The following FARP1 variants were observed in gnomAD, a reference collection of about 807,000 sequenced individuals.
FARP1 encodes FERM, ARH/RhoGEF and pleckstrin domain protein 1.
FARP1 carries 52 observed loss-of-function variants against 128.8 expected under a neutral mutation model. The ratio of observed to expected loss-of-function variants is 0.40; its 90% CI spans 0.32 to 0.51. The LOEUF (loss-of-function observed/expected upper bound fraction) is 0.51. FARP1 is among the 20% of genes least tolerant of loss of function. FARP1 has a pLI of 0.45. For missense variants in FARP1, 1,333 were observed against 1,367.9 expected (o/e 0.97, Z 0.40); for synonymous variants, 580 against 551.8 (o/e 1.05, Z -0.72).
intron 2 of FARP1, among the ~76,000 whole-genome samples, chr13:98,337,621 T>C (rs1360099754): frequency 1.3e-5 from 2 of 150,248 alleles, no homozygotes; most frequent in Non-Finnish European, 3.0e-5. Context: ...GAAAATACTT[T>C]CACTGATGAA....
At chr13:98,211,326 A>G (rs570988338) in intron 1 of FARP1, among the ~76,000 whole-genome samples, 33 of 152,306 alleles carry the variant, frequency 2.2e-4, no homozygotes, top group African/African-American at 7.9e-4. Flanking sequence ...TTCTCATAGG[A>G]GCACAGACCC....
At chr13:98,330,461 G>T (rs1887454673) in intron 2 of FARP1, among the ~76,000 whole-genome samples, 1 of 152,070 alleles carries the variant, frequency 6.6e-6, no homozygotes, top group Non-Finnish European at 1.5e-5. Context: ...CAAGGAAATT[G>T]TCAGAAAAAA....
intron 2 of FARP1, among the ~76,000 whole-genome samples, chr13:98,270,303 C>T (rs1174149719): frequency 6.6e-6 from 1 of 152,022 alleles, no homozygotes; most frequent in Non-Finnish European, 1.5e-5. Flanking sequence ...GAAGATTGAG[C>T]TGTTCACACA....
intron 16 of FARP1, among the ~76,000 whole-genome samples, chr13:98,418,702 A>G (rs978568704): frequency 3.9e-5 from 6 of 152,214 alleles, no homozygotes; most frequent in Middle Eastern, 3.2e-3. Flanking sequence ...CGTTTTGCCA[A>G]TTGCCAGAAT....
intron 1 of FARP1, among the ~76,000 whole-genome samples, chr13:98,197,448 A>G (rs1415035667): frequency 6.6e-6 from 1 of 151,978 alleles, no homozygotes; most frequent in African/African-American, 2.4e-5. Context: ...CCTGGGCAAC[A>G]AGAGCAAAAC....
At chr13:98,394,146 G>A (rs748125529) in intron 12 of FARP1, among the ~76,000 whole-genome samples, 9 of 152,192 alleles carry the variant, frequency 5.9e-5, no homozygotes, top group Admixed American at 5.9e-4. Flanking sequence ...TGGTCGGCGA[G>A]TTCCCAGAGC....
At chr13:98,278,397 G>T (rs1404409452) in intron 2 of FARP1, among the ~76,000 whole-genome samples, 1 of 152,082 alleles carries the variant, frequency 6.6e-6, no homozygotes, top group African/African-American at 2.4e-5. Context: ...CGTTGCATAT[G>T]TGTGTGAGTG....
rs534236137 is a variant in FARP1, at chr13:98,447,936, G to A, written c.3057-300G>A. 1.7e-3 allele frequency: 735 copies of A among 431,104 alleles called. 13 individuals are homozygous for A. The highest frequency in any genetic ancestry group is 0.015 in the South Asian group (462 of 31,224). 26.7% of individuals were successfully genotyped at this position (431,104 alleles called of 1,614,324 possible). A position where few individuals can be genotyped will look rare whatever the true frequency, so the allele number is the denominator to read the frequency against. The stretch of plus-strand genomic sequence containing the variant: ...ATTCTCTGCCATGTCCATGAAAATA[G>A]GAGGTAGCGTTCTCCCCAGCAACCA... On this transcript the variant is annotated intron_variant, in intron 26 of 26. Transcript: ENST00000319562.
intron 16 of FARP1, among the ~76,000 whole-genome samples, chr13:98,423,634 C>T (rs1192771335): frequency 6.6e-6 from 1 of 152,166 alleles, no homozygotes; most frequent in South Asian, 2.1e-4. Context: ...GGCTCCTGTG[C>T]GAGTTCACAC....
At chr13:98,181,052 T>C (rs1212586842) in intron 1 of FARP1, among the ~76,000 whole-genome samples, 1 of 148,596 alleles carries the variant, frequency 6.7e-6, no homozygotes, top group Non-Finnish European at 1.5e-5. Context: ...CATTTTTAAG[T>C]CTTTTTTTTT....
intron 18 of FARP1, chr13:98,432,831 G>GGTC (rs1892091804): frequency 6.7e-6 from 1 of 149,760 alleles, no homozygotes; most frequent in Non-Finnish European, 1.5e-5. Context: ...CCCACTGGAG[G>GGTC]GTCTGCAGGC....
chr13:98,450,144 G>C lies in FARP1; in HGVS notation c.*1827G>C, dbSNP rs1893117768. The stretch of plus-strand genomic sequence containing the variant: ...CAAGAAAATACTAGTGTGGGTAACA[G>C]TCCATCTGAGTGGAGTTTGAGACAC... On this transcript the variant is annotated 3_prime_UTR_variant, in exon 27 of 27. Coordinates refer to ENST00000319562, the MANE Select transcript of FARP1 (RefSeq NM_005766.4). 6.6e-6 allele frequency: 1 copy of C among 152,226 alleles called. No homozygotes were observed. Among genetic ancestry groups the C allele is most frequent in the Non-Finnish European group, 1.5e-5 (1 of 68,056 alleles). The allele number at this position is 152,226 out of a possible 1,614,324, so 9.4% of individuals were successfully genotyped here.
chr13:98,375,287 A>T (rs1468274797), intron 5 of FARP1, among the ~76,000 whole-genome samples: 1 of 152,210 alleles, frequency 6.6e-6, no homozygotes, highest in Non-Finnish European at 1.5e-5. Flanking sequence ...TCACCCATTG[A>T]TAATCCTGGC....
intron 1 of FARP1, among the ~76,000 whole-genome samples, chr13:98,180,245 G>A (rs753410637): frequency 4.6e-5 from 7 of 152,114 alleles, no homozygotes; most frequent in African/African-American, 1.7e-4. Flanking sequence ...GGCAAAGGGG[G>A]AGCAGGCTGT....
intron 2 of FARP1, among the ~76,000 whole-genome samples, chr13:98,223,393 T>C (rs768431829): frequency 2.0e-5 from 3 of 152,242 alleles, no homozygotes; most frequent in Non-Finnish European, 2.9e-5. Flanking sequence ...TGGCACGATA[T>C]TGGCTCACTG....
chr13:98,256,948 G>GGTGTATATATATATATATATATATAT (rs59128917), intron 2 of FARP1, among the ~76,000 whole-genome samples: 1 of 77,076 alleles, frequency 1.3e-5, no homozygotes, highest in Non-Finnish European at 2.7e-5. Context: ...TATATATGTG[G>GGTGTATATATATATATATATATATAT]ATATATATAT....
Position 98,309,460 on chromosome 13 carries a change from C to T in FARP1, c.172-34302C>T, listed in dbSNP as rs542138346. Among the ~76,000 whole-genome samples, 253 of 151,834 alleles carry T rather than the reference C, an allele frequency of 1.7e-3. 1 individual carries two copies. The highest frequency in any genetic ancestry group is 5.9e-3 in the African/African-American group (245 of 41,422). On this transcript the variant is annotated intron_variant, in intron 2 of 26. Transcript: ENST00000319562. ...CTGGGATTACAAGCGTGAGCCACCG[C>T]GCCCGGCCAAGAGGCCTTTTTTTAA...
rs192925910 is a variant in FARP1, at chr13:98,438,471, C to T, written c.2275-333C>T. On this transcript the variant is annotated intron_variant, in intron 19 of 26. Coordinates refer to ENST00000319562, the MANE Select transcript of FARP1 (RefSeq NM_005766.4). ...AGGCCCGGGCACTCTTGAACCCGAC[C>T]GTCCGTATCCTTTGTTGGGGGAGCT... 1.9e-3 allele frequency among the ~76,000 whole-genome samples: 295 copies of T among 152,222 alleles called. 1 individual carries two copies. Among genetic ancestry groups the T allele is most frequent in the Non-Finnish European group, 3.7e-3 (254 of 68,008 alleles).
At chr13:98,209,848 G>A (rs1184794959) in intron 1 of FARP1, among the ~76,000 whole-genome samples, 1 of 143,628 alleles carries the variant, frequency 7.0e-6, no homozygotes, top group Admixed American at 7.1e-5. Flanking sequence ...CGGGGGTGGT[G>A]GTGCACGCCT....
Sources: gnomAD v4.1 joint callset for allele counts (sites outside exome capture counted in the v4.1 genomes callset) on GRCh38, gnomAD v4.1.1 for gene constraint, MANE v1.5 for transcripts, NCBI Gene and HGNC (gene_info 2026-07-23, HGNC 2026-07-21) for gene names.